Variants in FREM2 observed in about 807,000 individuals in gnomAD.
The protein encoded by FREM2 is FRAS1 related extracellular matrix 2.
A neutral mutation model predicts 219.9 loss-of-function variants in FREM2; 119 were observed. The observed-to-expected ratio is 0.54, with a 90% CI of 0.47 to 0.63. The LOEUF (loss-of-function observed/expected upper bound fraction) is 0.63. FREM2 is among the 30% of genes least tolerant of loss of function. The probability of loss-of-function intolerance (pLI) is 0.00; values close to 1 mark genes in which losing one functional copy is unlikely to be tolerated. For synonymous variants in FREM2, 1,562 were observed against 1,522.8 expected (o/e 1.03, Z -0.60); for missense variants, 4,030 against 3,993.6 (o/e 1.01, Z -0.25).
In FREM2 at chr13:38,850,861, A is replaced by T. The variant is rs1877342365; in HGVS notation, c.6578-83A>T. ...CACTGATACAGCAGGGAAAATCAAC[A>T]AACTTGCCCTTATGGTGCTCACATT... On this transcript the variant is annotated intron_variant, in intron 9 of 23. Coordinates refer to ENST00000280481, the MANE Select transcript of FREM2 (RefSeq NM_207361.6). 5 of 1,520,738 alleles carry T rather than the reference A, an allele frequency of 3.3e-6. No homozygotes were observed. In the South Asian group the frequency reaches 5.6e-5, roughly 17 times the overall value. 94.2% of individuals were successfully genotyped at this position (1,520,738 alleles called of 1,614,324 possible).
intron 2 of FREM2, among the ~76,000 whole-genome samples, chr13:38,709,161 C>T (rs569338106): frequency 6.6e-6 from 1 of 152,352 alleles, no homozygotes; most frequent in Non-Finnish European, 1.5e-5. Context: ...GATTCCTGCA[C>T]ATGCCATGCT....
chr13:38,802,527 G>A (rs193267187), intron 6 of FREM2, among the ~76,000 whole-genome samples: 5 of 152,138 alleles, frequency 3.3e-5, no homozygotes, highest in Non-Finnish European at 7.4e-5. Flanking sequence ...TGTGGGGAGT[G>A]CAGTTTGATT....
Position 38,691,813 on chromosome 13 carries a change from A to G in FREM2, c.4469A>G (p.Asn1490Ser). 2 of 1,614,180 alleles carry G rather than the reference A, an allele frequency of 1.2e-6. No homozygotes were observed. The highest frequency in any genetic ancestry group is 1.7e-6 in the Non-Finnish European group (2 of 1,180,044). The change falls in exon 1 of 24, where the codon AAC (asparagine) becomes AGC (serine). Residue 1490 changes from asparagine (N) to serine (S), a missense_variant. Physicochemically the swap from Asn to Ser is conservative, Grantham distance 46. Coordinates refer to ENST00000280481, the MANE Select transcript of FREM2 (RefSeq NM_207361.6). ...TSFTQLQLAG[N>S]KIYYIHTADD... ...TTCACTCAGCTGCAACTGGCTGGAA[A>G]CAAAATCTACTACATCCACACAGCT...
At chr13:38,733,047 C>G (rs1340004127) in intron 2 of FREM2, among the ~76,000 whole-genome samples, 1 of 152,036 alleles carries the variant, frequency 6.6e-6, no homozygotes, top group Non-Finnish European at 1.5e-5. Context: ...TTTTTAGTTA[C>G]TTAAGGGATG....
At position 38,884,203 on chromosome 13, in the gene FREM2, T is replaced by C. The variant is rs1390553757; in HGVS notation, c.*3416T>C. On this transcript the variant is annotated 3_prime_UTR_variant, in exon 24 of 24. Coordinates refer to ENST00000280481, the MANE Select transcript of FREM2 (RefSeq NM_207361.6). Reference sequence around the variant, plus strand: ...CAACTCTAGGCTCAATATGAAGGGATTTAGTTCTGTAAGCAGCAAAAAAGC... The same window carrying C: ...CAACTCTAGGCTCAATATGAAGGGACTTAGTTCTGTAAGCAGCAAAAAAGC... The C allele has an allele frequency of 2.0e-5, 3 of 152,186 alleles. No homozygotes were observed. Among genetic ancestry groups the C allele is most frequent in the Non-Finnish European group, 4.4e-5 (3 of 68,028 alleles). 9.4% of individuals were successfully genotyped at this position (152,186 alleles called of 1,614,324 possible).
chr13:38,767,760 A>C (rs2137812910), intron 3 of FREM2, among the ~76,000 whole-genome samples: 1 of 152,304 alleles, frequency 6.6e-6, no homozygotes. Flanking sequence ...AGTCTACAGC[A>C]TTCAACAAGA....
At chr13:38,855,668 G>A (rs1439230597) in intron 11 of FREM2, among the ~76,000 whole-genome samples, 8 of 152,146 alleles carry the variant, frequency 5.3e-5, no homozygotes, top group Non-Finnish European at 8.8e-5. Context: ...TCCTAAGTGG[G>A]AGCTAAGCTA....
chr13:38,856,045 T>TAAAAAAAAAAAAAAAAAAA (rs34182165), intron 11 of FREM2, 81 bp from the exon 12 acceptor site: 3 of 507,128 alleles, frequency 5.9e-6, no homozygotes, highest in Non-Finnish European at 3.1e-6. Context: ...TAGGCCACAG[T>TAAAAAAAAAAAAAAAAAAA]AAAAAAAAAA....
Position 38,864,492 on chromosome 13 carries a change from C to G in FREM2, c.7869C>G (p.Thr2623=). 2 of 1,614,126 alleles carry G rather than the reference C, an allele frequency of 1.2e-6. No homozygotes were observed. The highest frequency in any genetic ancestry group is 1.7e-6 in the Non-Finnish European group (2 of 1,179,976). ...QYSLSIRGST[T]LRFYRNLNLE... is the part of the protein sequence containing the mutation. ...GCTTGTCCATCAGAGGTTCCACTAC[C>G]TTGCGCTTCTACCGGAACCTGAACC... Residue 2623 remains threonine, a synonymous_variant, in exon 16 of 24, where the codon ACC becomes ACG. Transcript: ENST00000280481.
At chr13:38,823,936 G>T (rs1211475545) in intron 6 of FREM2, among the ~76,000 whole-genome samples, 2 of 152,122 alleles carry the variant, frequency 1.3e-5, no homozygotes, top group Non-Finnish European at 2.9e-5. Flanking sequence ...TTTGCAAAAA[G>T]AAGGGCATTG....
chr13:38,854,149 A>G (rs898574187), intron 11 of FREM2, among the ~76,000 whole-genome samples: 7 of 151,590 alleles, frequency 4.6e-5, no homozygotes, highest in African/African-American at 1.7e-4. Context: ...TTAAATATAG[A>G]AAAAAAGTTG....
chr13:38,849,360 C>T (rs1248760881), intron 8 of FREM2, among the ~76,000 whole-genome samples: 1 of 152,172 alleles, frequency 6.6e-6, no homozygotes, highest in Non-Finnish European at 1.5e-5. Flanking sequence ...TGCACAGACT[C>T]CTGAGTGTCA....
In FREM2 at chr13:38,687,993, C is replaced by T. The variant is rs199674984; in HGVS notation, c.649C>T (p.Arg217Cys). 2.5e-6 allele frequency: 4 copies of T among 1,612,466 alleles called. No homozygotes were observed. Among genetic ancestry groups the T allele is most frequent in the East Asian group, 2.2e-5 (1 of 44,826 alleles). ...FAFQPETEECRVGILSGLGAL... is the reference protein window; with the variant it reads ...FAFQPETEECCVGILSGLGAL... ...CTTCCAGCCCGAGACAGAGGAGTGC[C>T]GCGTGGGCATCCTGTCCGGCTTGGG... Residue 217 changes from arginine to cysteine, a missense_variant, in exon 1 of 24, where the codon CGC becomes TGC. By Grantham distance (180) the Arg-to-Cys change is radical (BLOSUM62 -3). Around this residue, in one of 2 missense-constraint regions of FREM2, gnomAD observed 3,102 missense variants for 2,950.7 expected, o/e 1.05. Coordinates refer to ENST00000280481, the MANE Select transcript of FREM2 (RefSeq NM_207361.6).
At position 38,872,896 on chromosome 13, in the gene FREM2, A is replaced by G. The variant is rs760142333; in HGVS notation, c.8138A>G (p.Asn2713Ser). The G allele has an allele frequency of 2.5e-6, 4 of 1,614,006 alleles. No individual in the cohort carries two copies. The South Asian group carries it at 3.3e-5, about 13-fold the overall frequency. Residue 2713 changes from asparagine to serine, a missense_variant, in exon 17 of 24, where the codon AAT becomes AGT. Asn to Ser is a conservative substitution (Grantham distance 46). This residue lies in a region of FREM2 where 928 missense variants were observed against 1,042.9 expected (regional missense o/e 0.89). Transcript: ENST00000280481. ...GTGTACGACACCGCCATCTTGTGGA[A>G]TGATGGAATTGGCAGCCCCCCAGAG... The part of the protein sequence containing the change: ...TFVYDTAILW[N>S]DGIGSPPEAE...
chr13:38,870,833 A>G (rs1878132486), intron 16 of FREM2, among the ~76,000 whole-genome samples: 1 of 152,232 alleles, frequency 6.6e-6, no homozygotes, highest in Non-Finnish European at 1.5e-5. Context: ...CCTCCAAAAT[A>G]GCATACTCAG....
chr13:38,782,329 A>AT (rs562034515), intron 4 of FREM2, among the ~76,000 whole-genome samples: 14 of 151,270 alleles, frequency 9.3e-5, no homozygotes, highest in South Asian at 2.1e-4. Flanking sequence ...TGATAACTGC[A>AT]TTTTTTTTTA....
At chr13:38,717,412 CT>C (rs386378868) in intron 2 of FREM2, among the ~76,000 whole-genome samples, 125 of 90,156 alleles carry the variant, frequency 1.4e-3, no homozygotes, top group Middle Eastern at 0.012. Context: ...TACATAAGTA[CT>C]TTTTTTTTTT....
At chr13:38,718,240 T>C (rs1871088885) in intron 2 of FREM2, among the ~76,000 whole-genome samples, 1 of 152,200 alleles carries the variant, frequency 6.6e-6, no homozygotes, top group Non-Finnish European at 1.5e-5. Flanking sequence ...TTTTTAAAAC[T>C]GCAGTATTTT....
chr13:38,874,662 G>T (rs112530311), intron 18 of FREM2, 76 bp downstream of exon 18: 19 of 1,141,452 alleles, frequency 1.7e-5, no homozygotes, highest in African/African-American at 6.1e-5. Flanking sequence ...ACATTTCAGC[G>T]TGCTTCTCTG....
Sources: gnomAD v4.1 joint callset for allele counts (sites outside exome capture counted in the v4.1 genomes callset) on GRCh38, gnomAD v4.1.1 for gene constraint, gnomAD v4.1.1 regional missense constraint, MANE v1.5 for transcripts, NCBI Gene and HGNC (gene_info 2026-07-23, HGNC 2026-07-21) for gene names.